The following COL6A5 variants were observed in gnomAD, a reference collection of about 807,000 sequenced individuals.
COL6A5 encodes collagen type VI alpha 5 chain.
In COL6A5, 48 loss-of-function variants were observed where a neutral mutation model predicts 65.6. That is an observed-to-expected ratio of 0.73 (90% CI 0.58 to 0.93). The LOEUF (loss-of-function observed/expected upper bound fraction) is 0.93, where lower values mean the gene tolerates loss of function less well. Ranked by LOEUF, COL6A5 falls within the 40% of genes least tolerant of loss-of-function variation. The pLI, the probability that COL6A5 is intolerant of heterozygous loss-of-function variation, is 0.00. For synonymous variants in COL6A5, 291 were observed against 322.8 expected (o/e 0.90, Z 1.05); for missense variants, 914 against 928.3 (o/e 0.98, Z 0.20).
chr3:130,407,816 G>A (rs562278891), intron 17 of COL6A5, among the ~76,000 whole-genome samples: 1 of 152,278 alleles, frequency 6.6e-6, no homozygotes, highest in Admixed American at 6.5e-5. Flanking sequence ...TTAGGTTTGA[G>A]GTGACAATGG....
exon 20 of COL6A5, chr3:130,410,472 G>T: frequency 6.5e-7 from 1 of 1,549,822 alleles, no homozygotes. Context: ...TATTTTTAGG[G>T]TAGAAGTGGA....
intron 13 of COL6A5, among the ~76,000 whole-genome samples, chr3:130,404,917 G>A (rs1163729217): frequency 6.6e-6 from 1 of 152,194 alleles, no homozygotes. Flanking sequence ...AGACACAGTT[G>A]GGGTTCCTGC....
chr3:130,393,067 G>T (rs1424697229), intron 7 of COL6A5, among the ~76,000 whole-genome samples: 3 of 109,220 alleles, frequency 2.7e-5, no homozygotes, highest in East Asian at 4.2e-4. Context: ...TGCTTACAGT[G>T]TTTTTTTTTT....
rs761927324 is a variant in COL6A5, at chr3:130,431,611, G to A, written c.151G>A (p.Ala51Thr). Residue 51 changes from alanine (A) to threonine (T), a missense_variant, in exon 1 of 8, where the codon GCA becomes ACA. Physicochemically the swap from Ala to Thr is moderately conservative, Grantham distance 58. Transcript: ENST00000512836. ...CAGGGAAAATAACTGTCCTGTGGGA[G>A]CAAGAGTTGCCATGGTTTCCTATAA... 65 of 1,551,412 alleles carry A rather than the reference G, an allele frequency of 4.2e-5. No homozygotes were observed. The African/African-American group carries it at 8.4e-4, about 20-fold the overall frequency.
chr3:130,418,249 T>G (rs76540728), intron 24 of COL6A5, among the ~76,000 whole-genome samples: 2,010 of 152,202 alleles, frequency 0.013, 52 homozygotes, highest in African/African-American at 0.045. Context: ...AAGGTTTCAC[T>G]GCTTACCTCC....
At chr3:130,373,557 T>A (rs1315264153) in intron 1 of COL6A5, 54 bp from the exon 2 acceptor site, 2 of 801,728 alleles carry the variant, frequency 2.5e-6, no homozygotes, top group African/African-American at 3.5e-5. Context: ...TCCTGACAGT[T>A]ACTTAATGGT....
exon 7 of COL6A5, chr3:130,391,262 A>G (rs1381967307): frequency 6.4e-7 from 1 of 1,551,618 alleles, no homozygotes; most frequent in South Asian, 1.2e-5. Flanking sequence ...AGATCACATG[A>G]TTAACCTAAC....
At chr3:130,367,687 A>G (rs2107628645) in intron 1 of COL6A5, among the ~76,000 whole-genome samples, 1 of 152,192 alleles carries the variant, frequency 6.6e-6, no homozygotes, top group East Asian at 1.9e-4. Flanking sequence ...CTTGAGGAAT[A>G]TTTGTTGAAT....
chr3:130,418,911 A>C, exon 25 of COL6A5: 1 of 1,550,778 alleles, frequency 6.4e-7, no homozygotes. Flanking sequence ...AGTGGGGCAA[A>C]CTGGGCAGCG....
intron 18 of COL6A5, 65 bp from the exon 19 acceptor site, chr3:130,409,943 CA>C (rs1381399321): frequency 8.8e-7 from 1 of 1,132,498 alleles, no homozygotes; most frequent in East Asian, 2.6e-5. Flanking sequence ...ACTTGAACAT[CA>C]TACCGTTTTG....
intron 1 of COL6A5, among the ~76,000 whole-genome samples, chr3:130,362,127 G>A (rs1012574747): frequency 1.6e-4 from 24 of 150,930 alleles, no homozygotes; most frequent in African/African-American, 3.2e-4. Context: ...TTCATAAGTC[G>A]TTGCCAAACC....
At chr3:130,430,815 C>T (rs369165945), upstream of COL6A5, among the ~76,000 whole-genome samples, 2 of 152,138 alleles carry the variant, frequency 1.3e-5, no homozygotes, top group Non-Finnish European at 2.9e-5. Context: ...ATAATCTTTA[C>T]TCTGTACCTT....
intron 7 of COL6A5, chr3:130,477,103 T>C (rs758709034): frequency 1.3e-6 from 2 of 1,503,972 alleles, no homozygotes; most frequent in South Asian, 2.4e-5. Context: ...AATCCAATAC[T>C]TTCGTCATAG....
Position 130,482,568 on chromosome 3 carries a change from C to A in COL6A5, c.2329-1467C>A, listed in dbSNP as rs553352612. 1.1e-3 allele frequency among the ~76,000 whole-genome samples: 161 copies of A among 152,174 alleles called. 1 individual carries two copies. The highest frequency in any genetic ancestry group is 3.7e-3 in the African/African-American group (152 of 41,528). On this transcript the variant is annotated intron_variant, in intron 7 of 7. Coordinates refer to ENST00000512836, the Ensembl canonical transcript of COL6A5. ...ATATGAAATTTAAAGTAGTTTTTTT[C>A]TAATTCTGTGAAGAAAGTCAATGGT...
chr3:130,405,957 T>C, intron 14 of COL6A5, 36 bp from the exon 15 acceptor site: 1 of 1,548,224 alleles, frequency 6.5e-7, no homozygotes, highest in East Asian at 2.4e-5. Context: ...CACTCTGTCT[T>C]TGATTTGTCA....
At chr3:130,402,874 T>C (rs1473463976) in intron 12 of COL6A5, among the ~76,000 whole-genome samples, 1 of 152,028 alleles carries the variant, frequency 6.6e-6, no homozygotes, top group African/African-American at 2.4e-5. Context: ...AGTTTTTCTT[T>C]AAAAAAAAGA....
intron 1 of COL6A5, among the ~76,000 whole-genome samples, chr3:130,373,158 G>A (rs1014940351): frequency 6.6e-6 from 1 of 152,142 alleles, no homozygotes; most frequent in Non-Finnish European, 1.5e-5. Context: ...TAACAATAAA[G>A]GGTAGAGAAT....
chr3:130,405,635 A>C, exon 14 of COL6A5: 1 of 1,550,798 alleles, frequency 6.4e-7, no homozygotes, highest in Non-Finnish European at 8.7e-7. Context: ...GGATTGCAGG[A>C]TGTCCAGGGG....
chr3:130,416,835 GT>G lies in COL6A5; in HGVS notation c.4887+22del. On this transcript the variant is annotated intron_variant and NMD_transcript_variant, in intron 24 of 41. Coordinates refer to the COL6A5 transcript ENST00000312481. ...GGGGAAAAAAGTAGATATTATTTCT[GT>G]TTTTTAATTCTTTTAAAAACATATT... 3 of 1,378,854 alleles carry G rather than the reference GT, an allele frequency of 2.2e-6. No homozygotes were observed. Among genetic ancestry groups the G allele is most frequent in the Non-Finnish European group, 2.0e-6 (2 of 1,014,050 alleles). 85.4% of individuals were successfully genotyped at this position (1,378,854 alleles called of 1,614,324 possible). A position where few individuals can be genotyped will look rare whatever the true frequency, so the allele number is the denominator to read the frequency against.
Sources: gnomAD v4.1 joint callset for allele counts (sites outside exome capture counted in the v4.1 genomes callset) on GRCh38, gnomAD v4.1.1 for gene constraint, MANE v1.5 for transcripts, NCBI Gene and HGNC (gene_info 2026-07-23, HGNC 2026-07-21) for gene names.